The following PDZD2 variants were observed in gnomAD, a reference collection of about 807,000 sequenced individuals.
The protein encoded by PDZD2 is PDZ domain containing 2.
PDZD2 carries 90 observed loss-of-function variants against 220.7 expected under a neutral mutation model. The ratio of observed to expected loss-of-function variants is 0.41; its 90% confidence interval spans 0.34 to 0.49. The LOEUF is 0.49. PDZD2 is among the 20% of genes least tolerant of loss of function. The pLI is 0.28. For synonymous variants in PDZD2, 1,375 were observed against 1,450.5 expected, an observed-to-expected ratio of 0.95 and a Z score of 1.18; for missense variants, 3,174 against 3,608.5, an observed-to-expected ratio of 0.88 and a Z score of 3.08.
chr5:31,791,949 GAC>G (rs1337320687), intron 1 of PDZD2, among the ~76,000 whole-genome samples: 1 of 152,138 alleles, frequency 6.6e-6, no homozygotes, highest in Non-Finnish European at 1.5e-5. Context: ...GCGACTTAAC[GAC>G]ACAGGGGTTT....
intron 1 of PDZD2, among the ~76,000 whole-genome samples, chr5:31,798,659 A>C (rs2150228659): frequency 6.6e-6 from 1 of 152,272 alleles, no homozygotes; most frequent in African/African-American, 2.4e-5. Flanking sequence ...TGATCCAGGA[A>C]ACTTCCTGGA....
chr5:32,090,051 C>G lies in PDZD2; in HGVS notation c.6603C>G (p.Ser2201Arg), dbSNP rs1356837736. The G allele has an allele frequency of 6.2e-7, 1 of 1,613,210 alleles. No homozygotes were observed. Among genetic ancestry groups the G allele is most frequent in the South Asian group, 1.1e-5 (1 of 90,962 alleles). The change falls in exon 20 of 25, where the codon AGC (serine) becomes AGG (arginine). Residue 2201 changes from serine to arginine, a missense_variant. Around this residue, in one of 4 missense-constraint regions of PDZD2, gnomAD observed 1,861 missense variants for 2,001.0 expected, o/e 0.93. Transcript: ENST00000438447. The surrounding 1 kb of genome is among the most constrained non-coding windows in gnomAD (Gnocchi z 4.3). ...MSDSRGVPRN[S>R]IPGGPSGEDH... ...ACTCCCGAGGGGTGCCCAGAAACAG[C>G]ATTCCAGGGGGCCCCTCGGGGGAGG...
chr5:31,862,513 C>T (rs1177783971), intron 2 of PDZD2, among the ~76,000 whole-genome samples: 1 of 151,870 alleles, frequency 6.6e-6, no homozygotes. Context: ...GCTAGAATAT[C>T]TGAGACATGC....
chr5:31,910,650 CAA>C (rs35678869), intron 2 of PDZD2, among the ~76,000 whole-genome samples: 61,331 of 150,732 alleles, frequency 0.41, 13,932 homozygotes, highest in Non-Finnish European at 0.52. Context: ...CTCGGCCTCC[CAA>C]AGTGTTGGGA....
At chr5:32,097,046 C>T (rs917518034) in intron 21 of PDZD2, among the ~76,000 whole-genome samples, 1 of 151,676 alleles carries the variant, frequency 6.6e-6, no homozygotes, top group Non-Finnish European at 1.5e-5. Context: ...AGGCTGGACT[C>T]GAACTCTTGG....
At chr5:31,689,226 G>C (rs957886256) in intron 1 of PDZD2, among the ~76,000 whole-genome samples, 1 of 146,898 alleles carries the variant, frequency 6.8e-6, no homozygotes, top group African/African-American at 2.6e-5. Context: ...TTGCCAGCAT[G>C]CCTGGCTAAT....
chr5:32,058,599 G>A (rs530340603), intron 12 of PDZD2, among the ~76,000 whole-genome samples: 9 of 151,198 alleles, frequency 6.0e-5, no homozygotes, highest in Middle Eastern at 3.4e-3. Flanking sequence ...GCTCGAACCC[G>A]GGAGGCAGAG....
chr5:32,059,378 G>C, intron 13 of PDZD2, 22 bp downstream of exon 13: 1 of 1,227,502 alleles, frequency 8.1e-7, no homozygotes. Flanking sequence ...GCCTGATAGT[G>C]TAAGGTTCTG....
At chr5:31,953,680 C>T (rs1747382526) in intron 2 of PDZD2, among the ~76,000 whole-genome samples, 1 of 143,014 alleles carries the variant, frequency 7.0e-6, no homozygotes, top group Non-Finnish European at 1.5e-5. Flanking sequence ...TTTTTTGAGA[C>T]AGTCTCAATC....
At position 31,689,353 on chromosome 5, in the gene PDZD2, A is replaced by ATATATATATTTTTTTTTTTTT; in HGVS notation, c.-361+49917_-361+49918insATATATATTTTTTTTTTTTTT. Among the ~76,000 whole-genome samples the ATATATATATTTTTTTTTTTTT allele has an allele frequency of 1.4e-4, 5 of 35,120 alleles. 1 individual carries two copies. The highest frequency in any genetic ancestry group is 8.3e-4 in the African/African-American group (4 of 4,804). 23.0% of individuals were successfully genotyped at this position (35,120 alleles called of 152,430 possible). ...TACATATACATATATATATATATAT[A>ATATATATATTTTTTTTTTTTT]TTTTTTTTTTTTTTTTTTTTAAGTC... On this transcript the variant is annotated intron_variant, in intron 1 of 24. Coordinates refer to ENST00000438447, the MANE Select transcript of PDZD2 (RefSeq NM_178140.4).
intron 1 of PDZD2, among the ~76,000 whole-genome samples, chr5:31,708,399 G>A (rs781547308): frequency 4.6e-5 from 7 of 152,190 alleles, no homozygotes; most frequent in South Asian, 4.1e-4. Flanking sequence ...GAGCCTGGCC[G>A]TTTGTTTTTC....
chr5:32,097,432 C>T, intron 22 of PDZD2, 52 bp downstream of exon 22: 1 of 1,090,838 alleles, frequency 9.2e-7, no homozygotes, highest in Non-Finnish European at 1.4e-6. Context: ...CAAGCAGCCT[C>T]AGAATGTGAT....
intron 1 of PDZD2, among the ~76,000 whole-genome samples, chr5:31,724,278 A>G (rs1748980475): frequency 1.3e-5 from 2 of 152,202 alleles, no homozygotes; most frequent in Admixed American, 6.5e-5. Context: ...GAAAAAAGTC[A>G]TGAAGTCTCC....
At chr5:31,978,120 G>A (rs975268679) in intron 2 of PDZD2, among the ~76,000 whole-genome samples, 3 of 152,108 alleles carry the variant, frequency 2.0e-5, no homozygotes, top group Admixed American at 1.3e-4. Flanking sequence ...TAATAATTTT[G>A]CATGCCAGAG....
chr5:31,645,359 C>T (rs1304388590), intron 1 of PDZD2, among the ~76,000 whole-genome samples: 16 of 133,202 alleles, frequency 1.2e-4, no homozygotes, highest in East Asian at 4.5e-4. Context: ...TTTTTTGAGA[C>T]GGAGTCTTGC....
chr5:31,758,164 G>A (rs560873236), intron 1 of PDZD2, among the ~76,000 whole-genome samples: 2 of 152,310 alleles, frequency 1.3e-5, no homozygotes, highest in East Asian at 1.9e-4. Flanking sequence ...GCCCTGGACC[G>A]CACTGGATTC....
chr5:31,710,779 G>A (rs1342456951), intron 1 of PDZD2, among the ~76,000 whole-genome samples: 1 of 149,660 alleles, frequency 6.7e-6, no homozygotes, highest in Non-Finnish European at 1.5e-5. Context: ...TCGCGCCATT[G>A]CACTCCAGCC....
At chr5:31,781,087 G>T (rs537690240) in intron 1 of PDZD2, among the ~76,000 whole-genome samples, 6 of 152,288 alleles carry the variant, frequency 3.9e-5, no homozygotes, top group African/African-American at 1.4e-4. Context: ...GGCCCCTGAT[G>T]GGTGGAGGAG....
chr5:31,731,779 G>C (rs536651396), intron 1 of PDZD2, among the ~76,000 whole-genome samples: 2 of 152,286 alleles, frequency 1.3e-5, no homozygotes, highest in South Asian at 4.1e-4. Flanking sequence ...TCTACCTTTT[G>C]ACTACTGTCA....
Sources: allele counts gnomAD v4.1 joint callset (sites outside exome capture counted in the v4.1 genomes callset), GRCh38; gene constraint gnomAD v4.1.1; regional missense constraint gnomAD v4.1.1; non-coding constraint Gnocchi (gnomAD v3.1); transcripts MANE v1.5; gene names NCBI Gene and HGNC (gene_info 2026-07-23, HGNC 2026-07-21).